The following EPYC variants were observed in gnomAD, a reference collection of about 807,000 sequenced individuals.
EPYC encodes the protein epiphycan, also known as dermatan sulfate proteoglycan 3.
A neutral mutation model predicts 30.1 loss-of-function variants in EPYC; 28 were observed. The observed-to-expected ratio is 0.93, with a 90% CI of 0.69 to 1.28. EPYC has a LOEUF of 1.28. Ranked by LOEUF, EPYC falls within the 50% of genes most tolerant of loss-of-function variation. EPYC has a pLI of 0.00. For synonymous variants in EPYC, 144 were observed against 141.4 expected, an observed-to-expected ratio of 1.02 and a Z score of -0.13; for missense variants, 382 against 383.5, an observed-to-expected ratio of 1.00 and a Z score of 0.03.
Position 90,983,909 on chromosome 12 carries a change from A to G in EPYC, c.166-5647T>C, listed in dbSNP as rs116785149. Among the ~76,000 whole-genome samples, 669 of 152,276 alleles carry G rather than the reference A, an allele frequency of 4.4e-3. 5 individuals carry two copies. Among genetic ancestry groups the G allele is most frequent in the African/African-American group, 0.016 (651 of 41,568 alleles). ...GCCCAAAGCCCCATTGGAGGGGGTT[A>G]CTATCTGGAATTTTAGGATCCCTCC... On this transcript the variant is annotated intron_variant, in intron 2 of 6. Coordinates refer to ENST00000261172, the MANE Select transcript of EPYC (RefSeq NM_004950.5).
At chr12:91,004,484 A>G (rs1239828820) in intron 1 of EPYC, among the ~76,000 whole-genome samples, 1 of 152,082 alleles carries the variant, frequency 6.6e-6, no homozygotes, top group African/African-American at 2.4e-5. Flanking sequence ...ATATTTTAAA[A>G]TTTGTGTATT....
At chr12:90,981,447 T>C (rs906273923) in intron 2 of EPYC, among the ~76,000 whole-genome samples, 5 of 152,190 alleles carry the variant, frequency 3.3e-5, no homozygotes, top group African/African-American at 1.2e-4. Flanking sequence ...ATTAAAAATA[T>C]GACAAAAGAT....
intron 2 of EPYC, among the ~76,000 whole-genome samples, chr12:90,984,159 T>C (rs1462940677): frequency 2.0e-5 from 3 of 152,118 alleles, no homozygotes; most frequent in Admixed American, 2.0e-4. Context: ...GGAAAACGCT[T>C]AGGACTCTAA....
chr12:90,991,123 G>A (rs772228751), intron 2 of EPYC, among the ~76,000 whole-genome samples: 10 of 152,064 alleles, frequency 6.6e-5, no homozygotes, highest in Admixed American at 2.6e-4. Context: ...CTTCTCAAAC[G>A]TGCCAAGGAA....
At chr12:91,004,163 T>TA (rs1217576261) in intron 1 of EPYC, among the ~76,000 whole-genome samples, 5 of 152,008 alleles carry the variant, frequency 3.3e-5, no homozygotes, top group Admixed American at 3.3e-4. Flanking sequence ...ACTACCAACT[T>TA]AAAAAAAATT....
chr12:90,982,226 T>C (rs1326493621), intron 2 of EPYC, among the ~76,000 whole-genome samples: 1 of 152,160 alleles, frequency 6.6e-6, no homozygotes, highest in Non-Finnish European at 1.5e-5. Context: ...AGACTACTGA[T>C]ATAAAGTTAG....
chr12:90,991,032 T>C (rs1453993908), intron 2 of EPYC, among the ~76,000 whole-genome samples: 3 of 152,172 alleles, frequency 2.0e-5, no homozygotes, highest in Non-Finnish European at 4.4e-5. Flanking sequence ...AATCAGAGTT[T>C]TGATATTATA....
chr12:91,001,587 C>G (rs921965858), intron 2 of EPYC, among the ~76,000 whole-genome samples: 2 of 152,108 alleles, frequency 1.3e-5, no homozygotes, highest in African/African-American at 4.8e-5. Flanking sequence ...GAATGGGCTA[C>G]AACCTTGCCA....
chr12:90,994,521 C>A (rs1877656086), intron 2 of EPYC, among the ~76,000 whole-genome samples: 1 of 152,110 alleles, frequency 6.6e-6, no homozygotes, highest in Non-Finnish European at 1.5e-5. Flanking sequence ...GGTTATTCAG[C>A]ATTATGACAA....
intron 6 of EPYC, among the ~76,000 whole-genome samples, chr12:90,967,210 A>T (rs1876921538): frequency 6.6e-6 from 1 of 151,556 alleles, no homozygotes; most frequent in South Asian, 2.1e-4. Flanking sequence ...TAGATTTGAG[A>T]TCTTCTTTTT....
At chr12:91,002,132 G>A (rs996380668) in intron 2 of EPYC, among the ~76,000 whole-genome samples, 1 of 134,202 alleles carries the variant, frequency 7.5e-6, no homozygotes, top group African/African-American at 2.8e-5. Context: ...GGAGGTTGCA[G>A]TGAGCCAAGA....
intron 2 of EPYC, among the ~76,000 whole-genome samples, chr12:90,984,199 C>T (rs1195656916): frequency 1.3e-5 from 2 of 152,080 alleles, no homozygotes; most frequent in Admixed American, 1.3e-4. Context: ...TGGTAAGGAC[C>T]ACTAAATCTG....
In EPYC at chr12:90,972,968, C is replaced by G. The variant is rs367798335; in HGVS notation, c.353G>C (p.Cys118Ser). Residue 118 changes from cysteine to serine, a missense_variant, in exon 4 of 7, where the codon TGT becomes TCT. By Grantham distance (112) the Cys-to-Ser change is moderately radical. Coordinates refer to ENST00000261172, the MANE Select transcript of EPYC (RefSeq NM_004950.5). ...GPHTNEDFPT[C>S]LLCTCISTTV... ...GGTACTTATACAAGTACACAAAAGA[C>G]AGGTTGGAAAGTCTAAAAGATAAAG... 59 of 1,585,952 alleles carry G rather than the reference C, an allele frequency of 3.7e-5. No individual in the cohort carries two copies. The highest frequency in any genetic ancestry group is 4.9e-5 in the Non-Finnish European group (57 of 1,164,992).
intron 3 of EPYC, among the ~76,000 whole-genome samples, chr12:90,975,675 A>C (rs186479925): frequency 2.0e-4 from 31 of 152,232 alleles, no homozygotes; most frequent in Admixed American, 1.4e-3. Flanking sequence ...GAGAGATCCA[A>C]CATACAGGTA....
At position 90,978,088 on chromosome 12, in the gene EPYC, C is replaced by A; in HGVS notation, c.340G>T (p.Asp114Tyr). Residue 114 changes from aspartate (D) to tyrosine (Y), a missense_variant and splice_region_variant, in exon 3 of 7, where the codon GAC becomes TAC. By Grantham distance (160) the Asp-to-Tyr change is radical (BLOSUM62 -3). Transcript: ENST00000261172. ...GTAATTCTGCTTTGAGGTACCTGAC[C>A]TTCATTTGTGTGTGGCCCCAGAACC... ...TGVLGPHTNEDFPTCLLCTCI... is the reference protein window; with the variant it reads ...TGVLGPHTNEYFPTCLLCTCI... 6.4e-7 allele frequency: 1 copy of A among 1,558,626 alleles called. No homozygotes were observed. The highest frequency in any genetic ancestry group is 8.6e-7 in the Non-Finnish European group (1 of 1,158,222).
intron 2 of EPYC, among the ~76,000 whole-genome samples, chr12:90,989,085 A>G (rs995341132): frequency 1.4e-4 from 22 of 152,110 alleles, no homozygotes; most frequent in Non-Finnish European, 2.5e-4. Flanking sequence ...TATAATGAAC[A>G]TGATTGTAGT....
At position 90,978,117 on chromosome 12, in the gene EPYC, G is replaced by T; in HGVS notation, c.311C>A (p.Thr104Lys). The change falls in exon 3 of 7, where the codon ACA becomes AAA. Residue 104 changes from threonine (T) to lysine (K), a missense_variant. Coordinates refer to ENST00000261172, the MANE Select transcript of EPYC (RefSeq NM_004950.5). ...ATTTGTGTGTGGCCCCAGAACCCCT[G>T]TGAATTCAGGCTCCTGGGGAGAAGA... ...DGSSPQEPEF[T>K]GVLGPHTNED... The T allele has an allele frequency of 6.3e-7, 1 of 1,589,434 alleles. No individual in the cohort carries two copies.
intron 2 of EPYC, among the ~76,000 whole-genome samples, chr12:90,979,677 T>C (rs1877278568): frequency 6.6e-6 from 1 of 152,202 alleles, no homozygotes; most frequent in Non-Finnish European, 1.5e-5. Flanking sequence ...TTTTCTGTGC[T>C]GTATTACATT....
chr12:90,972,017 TA>T lies in EPYC; in HGVS notation c.500-16del. The T allele has an allele frequency of 7.3e-7, 1 of 1,366,976 alleles. No individual in the cohort carries two copies. The highest frequency in any genetic ancestry group is 1.0e-6 in the Non-Finnish European group (1 of 1,000,484). The allele number at this position is 1,366,976 out of a possible 1,614,324, so 84.7% of individuals were successfully genotyped here. On this transcript the variant is annotated splice_polypyrimidine_tract_variant and intron_variant, in intron 4 of 6. Transcript: ENST00000261172. ...TTTTAAATCACCTAGCAGAAAAAAA[TA>T]AAGGAAGTAATTAAATATTCTTGTT...
Sources: gnomAD v4.1 joint callset for allele counts (sites outside exome capture counted in the v4.1 genomes callset) on GRCh38, gnomAD v4.1.1 for gene constraint, MANE v1.5 for transcripts, NCBI Gene and HGNC (gene_info 2026-07-23, HGNC 2026-07-21) for gene names.